PGR: variants seen among roughly 807,000 people sequenced by gnomAD.
PGR encodes the protein progesterone receptor.
A neutral mutation model predicts 76.1 loss-of-function variants in PGR; 25 were observed. That is an observed-to-expected ratio of 0.33 (90% CI 0.24 to 0.46). The LOEUF is 0.46. PGR is among the 20% of genes least tolerant of loss of function. The probability of loss-of-function intolerance (pLI) is 1.00; values close to 1 mark genes in which losing one functional copy is unlikely to be tolerated. For missense variants in PGR, 1,172 were observed against 1,225.3 expected (o/e 0.96, Z 0.65); for synonymous variants, 579 against 535.0 (o/e 1.08, Z -1.14).
At chr11:101,042,169 T>G in intron 6 of PGR, 67 bp from the exon 7 acceptor site, 1 of 1,499,402 alleles carries the variant, frequency 6.7e-7, no homozygotes, top group Non-Finnish European at 9.2e-7. Flanking sequence ...TTATAACATA[T>G]ATTTCTGAGC....
intron 2 of PGR, among the ~76,000 whole-genome samples, chr11:101,110,318 A>C (rs1420971698): frequency 6.6e-6 from 1 of 152,232 alleles, no homozygotes; most frequent in Non-Finnish European, 1.5e-5. Flanking sequence ...GATGTCATTA[A>C]GAACATTTGT....
intron 6 of PGR, among the ~76,000 whole-genome samples, chr11:101,046,340 G>T (rs1859885957): frequency 1.1e-5 from 1 of 89,796 alleles, no homozygotes. Flanking sequence ...TTTTTTTAGA[G>T]ACGGGGTTTT....
chr11:101,047,038 G>A (rs201069369), intron 6 of PGR, among the ~76,000 whole-genome samples: 4 of 152,250 alleles, frequency 2.6e-5, no homozygotes, highest in South Asian at 2.1e-4. Flanking sequence ...TGTGGAAAGC[G>A]TAAGTACTAT....
chr11:101,096,917 C>T (rs1861850885), intron 2 of PGR, among the ~76,000 whole-genome samples: 1 of 152,162 alleles, frequency 6.6e-6, no homozygotes, highest in African/African-American at 2.4e-5. Context: ...TTGCTGTTTA[C>T]CTACATTATC....
chr11:101,121,390 T>G (rs2135502348), intron 2 of PGR, among the ~76,000 whole-genome samples: 1 of 152,318 alleles, frequency 6.6e-6, no homozygotes, highest in Middle Eastern at 3.4e-3. Context: ...TCACAGAAGT[T>G]GCTGATGAAA....
chr11:101,118,443 G>C (rs1862574742), intron 2 of PGR, among the ~76,000 whole-genome samples: 1 of 152,070 alleles, frequency 6.6e-6, no homozygotes, highest in Non-Finnish European at 1.5e-5. Flanking sequence ...AAATCACTTG[G>C]TTATAGAAGA....
Position 101,126,010 on chromosome 11 carries a change from C to T in PGR, c.1786G>A (p.Glu596Lys). The change falls in exon 2 of 8, where the codon GAA becomes AAA. Residue 596 changes from glutamate to lysine, a missense_variant. Transcript: ENST00000325455. ...GGATCAGGGGAAAGGAGCCTACCTT[C>T]CATTGCCCTCTTAAAGAAGACCTTA... ...SCKVFFKRAMEGQHNYLCAGR... is the reference protein window; with the variant it reads ...SCKVFFKRAMKGQHNYLCAGR... 2 of 1,613,810 alleles carry T rather than the reference C, an allele frequency of 1.2e-6. No homozygotes were observed. Among genetic ancestry groups the T allele is most frequent in the Non-Finnish European group, 1.7e-6 (2 of 1,179,744 alleles).
chr11:101,048,832 C>T, intron 6 of PGR, among the ~76,000 whole-genome samples: 1 of 151,974 alleles, frequency 6.6e-6, no homozygotes, highest in Non-Finnish European at 1.5e-5. Flanking sequence ...AACTTTTTTA[C>T]TTTATAAACT....
chr11:101,123,593 A>G (rs1862745853), intron 2 of PGR, among the ~76,000 whole-genome samples: 2 of 152,136 alleles, frequency 1.3e-5, no homozygotes, highest in Admixed American at 1.3e-4. Flanking sequence ...TGTAATCTTA[A>G]TTTCTTCACT....
intron 3 of PGR, among the ~76,000 whole-genome samples, chr11:101,072,738 A>G (rs1449982107): frequency 6.6e-6 from 1 of 152,234 alleles, no homozygotes; most frequent in Admixed American, 6.5e-5. Flanking sequence ...AGGCCATTAC[A>G]TAATGGTAAA....
At position 101,071,400 on chromosome 11, in the gene PGR, A is replaced by C. The variant is rs527417390; in HGVS notation, c.1907-8648T>G. 3.9e-5 allele frequency among the ~76,000 whole-genome samples: 6 copies of C among 152,210 alleles called. No individual in the cohort carries two copies. The South Asian group carries it at 1.2e-3, about 32-fold the overall frequency. On this transcript the variant is annotated intron_variant, in intron 3 of 7. Transcript: ENST00000325455. ...AGTGCAAAAAGGCTGAAAATTCCAA[A>C]AATCAGAATGCCTCTTCTCCTCCAA...
intron 3 of PGR, among the ~76,000 whole-genome samples, chr11:101,072,126 C>T (rs1860958915): frequency 6.6e-6 from 1 of 152,212 alleles, no homozygotes; most frequent in Admixed American, 6.5e-5. Context: ...AACAGCAGAT[C>T]TCTCTGCTGA....
At chr11:101,059,097 T>C (rs557023521) in intron 4 of PGR, among the ~76,000 whole-genome samples, 56 of 152,078 alleles carry the variant, frequency 3.7e-4, no homozygotes, top group African/African-American at 1.3e-3. Flanking sequence ...AGCAAACCTA[T>C]CTCATGCTTT....
chr11:101,054,003 A>T (rs1295829362), intron 4 of PGR, among the ~76,000 whole-genome samples: 2 of 152,124 alleles, frequency 1.3e-5, no homozygotes, highest in Non-Finnish European at 2.9e-5. Context: ...GAAAATACTA[A>T]AGCAAAGAGA....
chr11:101,046,646 T>C (rs952554529), intron 6 of PGR, among the ~76,000 whole-genome samples: 4 of 152,094 alleles, frequency 2.6e-5, no homozygotes, highest in African/African-American at 9.7e-5. Context: ...ATTATTTCTA[T>C]TTCTTCTAGC....
chr11:101,036,090 TG>T lies in PGR; in HGVS notation c.*3025del, dbSNP rs199898760. Reference sequence around the variant, plus strand: ...GGCAGAGAAGGGGGGCACAGTCCTATGTCAGTTATCTCCACAGTGCCCATCA... The same window carrying T: ...GGCAGAGAAGGGGGGCACAGTCCTATTCAGTTATCTCCACAGTGCCCATCA... On this transcript the variant is annotated 3_prime_UTR_variant, in exon 8 of 8. Coordinates refer to ENST00000325455, the MANE Select transcript of PGR (RefSeq NM_000926.4). 668 of 219,950 alleles carry T rather than the reference TG, an allele frequency of 3.0e-3. 3 individuals carry two copies. Among genetic ancestry groups the T allele is most frequent in the African/African-American group, 0.013 (596 of 44,688 alleles). The allele number at this position is 219,950 out of a possible 1,614,324, so 13.6% of individuals were successfully genotyped here.
At chr11:101,123,588 T>C (rs1053009767) in intron 2 of PGR, among the ~76,000 whole-genome samples, 1 of 152,218 alleles carries the variant, frequency 6.6e-6, no homozygotes, top group Non-Finnish European at 1.5e-5. Context: ...GTCAGTGTAA[T>C]CTTAATTTCT....
At chr11:101,063,679 C>T (rs2135412895) in intron 3 of PGR, 1 of 152,334 alleles carries the variant, frequency 6.6e-6, no homozygotes, top group East Asian at 1.9e-4. Flanking sequence ...CAAGGGAAGG[C>T]TGATACCTGC....
intron 2 of PGR, among the ~76,000 whole-genome samples, chr11:101,110,009 G>A (rs2135485014): frequency 6.6e-6 from 1 of 152,264 alleles, no homozygotes. Context: ...AAGCCTGAGT[G>A]ACAGCACATC....
Sources: gnomAD v4.1 joint callset for allele counts (sites outside exome capture counted in the v4.1 genomes callset) on GRCh38, gnomAD v4.1.1 for gene constraint, MANE v1.5 for transcripts, NCBI Gene and HGNC (gene_info 2026-07-23, HGNC 2026-07-21) for gene names.